Variants in ALDH1A3 observed in about 807,000 individuals in gnomAD.
ALDH1A3 encodes the protein retinaldehyde dehydrogenase 3.
ALDH1A3 carries 28 observed loss-of-function variants against 57.5 expected under a neutral mutation model. That is an observed-to-expected ratio of 0.49 (90% CI 0.36 to 0.67). The LOEUF is 0.67. Among genes scored for constraint, ALDH1A3 ranks in the 30% least tolerant of loss-of-function variants. The pLI, the probability that ALDH1A3 is intolerant of heterozygous loss-of-function variation, is 0.00. For synonymous variants in ALDH1A3, 281 were observed against 264.8 expected (o/e 1.06, Z -0.59); for missense variants, 507 against 669.4 (o/e 0.76, Z 2.68).
chr15:100,908,347 A>G, intron 11 of ALDH1A3, 61 bp from the exon 12 acceptor site: 2 of 1,415,062 alleles, frequency 1.4e-6, no homozygotes, highest in Non-Finnish European at 2.0e-6. Context: ...AAGTGGCTGC[A>G]GTGCCAGGAG....
intron 12 of ALDH1A3, 133 bp from the exon 13 acceptor site, chr15:100,914,568 A>G: frequency 1.4e-6 from 1 of 725,200 alleles, no homozygotes; most frequent in Non-Finnish European, 2.3e-6. Context: ...CTATTATTCC[A>G]TGAGGTCGTC....
rs778347804 is a variant in ALDH1A3 at position 100,902,912 on chromosome 15, C to T, written c.1068+2153C>T. Among the ~76,000 whole-genome samples, 5 of 152,328 alleles carry T rather than the reference C, an allele frequency of 3.3e-5. No individual in the cohort carries two copies. The East Asian group carries it at 5.8e-4, about 18-fold the overall frequency. On this transcript the variant is annotated intron_variant, in intron 9 of 12. Coordinates refer to ENST00000329841, the MANE Select transcript of ALDH1A3 (RefSeq NM_000693.4). Reference sequence around the variant, plus strand: ...ATGCCCAGCAGCCAGGGAGGACCTGCGGTTGGGCGAAGCCCCTGTGTCCCT... The same window carrying T: ...ATGCCCAGCAGCCAGGGAGGACCTGTGGTTGGGCGAAGCCCCTGTGTCCCT...
rs370594639 is a variant in ALDH1A3 at position 100,914,979 on chromosome 15, C to T, written c.*206C>T. On this transcript the variant is annotated 3_prime_UTR_variant, in exon 13 of 13. Coordinates refer to ENST00000329841, the MANE Select transcript of ALDH1A3 (RefSeq NM_000693.4). ...GATGCCTATAGGTTGTCTGTGAAAT[C>T]GCAGTCCTGCCTGGGGAGGGAGCTG... The T allele has an allele frequency of 1.1e-4, 62 of 572,296 alleles. No individual in the cohort carries two copies. The highest frequency in any genetic ancestry group is 4.1e-4 in the South Asian group (19 of 46,836). The allele number at this position is 572,296 out of a possible 1,614,324, so 35.5% of individuals were successfully genotyped here.
chr15:100,885,379 C>T lies in ALDH1A3; in HGVS notation c.204+8C>T. On this transcript the variant is annotated splice_region_variant and intron_variant, in intron 2 of 12. Coordinates refer to ENST00000329841, the MANE Select transcript of ALDH1A3 (RefSeq NM_000693.4). ...GTGGAAGAAGGAGATAAGGTAAATA[C>T]TTAAAATAAATTTGCTCTAAGTAAT... 2 of 1,585,940 alleles carry T rather than the reference C, an allele frequency of 1.3e-6. No homozygotes were observed. Among genetic ancestry groups the T allele is most frequent in the African/African-American group, 2.7e-5 (2 of 74,354 alleles).
At chr15:100,896,187 A>T in intron 7 of ALDH1A3, 141 bp downstream of exon 7, 7 of 641,694 alleles carry the variant, frequency 1.1e-5, no homozygotes, top group Non-Finnish European at 1.6e-5. Context: ...ACCAGTTAAA[A>T]AAAGTCACTG....
chr15:100,905,225 C>T (rs959753170), intron 9 of ALDH1A3, among the ~76,000 whole-genome samples: 2 of 152,224 alleles, frequency 1.3e-5, no homozygotes, highest in African/African-American at 4.8e-5. Flanking sequence ...CCACTTCAGA[C>T]CTGTGTCACT....
chr15:100,896,215 A>G, intron 7 of ALDH1A3, 169 bp downstream of exon 7: 1 of 583,212 alleles, frequency 1.7e-6, no homozygotes, highest in South Asian at 2.3e-5. Context: ...TTCCAAACTA[A>G]ATAAATATCT....
chr15:100,882,190 G>T (rs540606722), intron 1 of ALDH1A3, among the ~76,000 whole-genome samples: 71 of 152,238 alleles, frequency 4.7e-4, no homozygotes, highest in Non-Finnish European at 8.2e-4. Flanking sequence ...CTGAGCCCTA[G>T]CCCCGGCAGT....
At chr15:100,890,894 C>T (rs1366858046) in intron 3 of ALDH1A3, among the ~76,000 whole-genome samples, 8 of 152,176 alleles carry the variant, frequency 5.3e-5, no homozygotes, top group Non-Finnish European at 8.8e-5. Flanking sequence ...TGAAAGTTCA[C>T]GCTTGAGTGA....
In ALDH1A3 at chr15:100,887,147, C is replaced by T. The variant is rs529339601; in HGVS notation, c.205-425C>T. Among the ~76,000 whole-genome samples, 13 of 152,342 alleles carry T rather than the reference C, an allele frequency of 8.5e-5. No individual in the cohort carries two copies. The East Asian group carries it at 9.6e-4, about 11-fold the overall frequency. On this transcript the variant is annotated intron_variant, in intron 2 of 12. Coordinates refer to ENST00000329841, the MANE Select transcript of ALDH1A3 (RefSeq NM_000693.4). The surrounding 1 kb of genome is among the most constrained non-coding windows in gnomAD (Gnocchi z 4.6). ...TAAAGAAGAAAAAAAATCACTTGAACGCTCCCAGCCATTCAAGTGATTGAA... is the reference window on the plus strand; with the variant it reads ...TAAAGAAGAAAAAAAATCACTTGAATGCTCCCAGCCATTCAAGTGATTGAA...
rs534972477 is a variant in ALDH1A3, at chr15:100,914,810, C to T, written c.*37C>T. 8.4e-5 allele frequency: 133 copies of T among 1,592,500 alleles called. No individual in the cohort carries two copies. The highest frequency in any genetic ancestry group is 8.3e-4 in the Middle Eastern group (5 of 6,028). ...GGCTCCTTCCTCAAACATCGGACGG[C>T]GGAATGTGGCAGATGAAATGTGCTG... On this transcript the variant is annotated 3_prime_UTR_variant, in exon 13 of 13. Coordinates refer to ENST00000329841, the MANE Select transcript of ALDH1A3 (RefSeq NM_000693.4).
chr15:100,886,904 C>T lies in ALDH1A3; in HGVS notation c.205-668C>T, dbSNP rs1596206128. On this transcript the variant is annotated intron_variant, in intron 2 of 12. Coordinates refer to ENST00000329841, the MANE Select transcript of ALDH1A3 (RefSeq NM_000693.4). ...AGGAAGGAATTTCCCCATTCTCACT[C>T]TTGGACCACAAGTTCCCAGCTGGGA... Among the ~76,000 whole-genome samples the T allele has an allele frequency of 2.0e-5, 3 of 152,306 alleles. No homozygotes were observed. The South Asian group carries it at 6.2e-4, about 32-fold the overall frequency.
chr15:100,905,386 AT>A (rs1261911626), intron 9 of ALDH1A3, 136 bp from the exon 10 acceptor site: 1 of 1,095,382 alleles, frequency 9.1e-7, no homozygotes, highest in Non-Finnish European at 1.3e-6. Context: ...TGCAAGGCTC[AT>A]TAGTTACATG....
intron 12 of ALDH1A3, 76 bp downstream of exon 12, chr15:100,908,558 C>A (rs1035684062): frequency 7.5e-7 from 1 of 1,325,442 alleles, no homozygotes; most frequent in Non-Finnish European, 1.1e-6. Context: ...GTGACACAGG[C>A]TCCAATCTGC....
chr15:100,914,804 G>T lies in ALDH1A3; in HGVS notation c.*31G>T. Reference sequence around the variant, plus strand: ...AGGCGGGGCTCCTTCCTCAAACATCGGACGGCGGAATGTGGCAGATGAAAT... The same window carrying T: ...AGGCGGGGCTCCTTCCTCAAACATCTGACGGCGGAATGTGGCAGATGAAAT... On this transcript the variant is annotated 3_prime_UTR_variant, in exon 13 of 13. Transcript: ENST00000329841. 6.2e-7 allele frequency: 1 copy of T among 1,605,992 alleles called. No individual in the cohort carries two copies. Among genetic ancestry groups the T allele is most frequent in the Non-Finnish European group, 8.5e-7 (1 of 1,173,456 alleles).
At chr15:100,907,844 C>CTTTTTTTTTTTTTTTTTTTTTTTTTTTTT (rs71151987) in intron 11 of ALDH1A3, among the ~76,000 whole-genome samples, 10 of 81,908 alleles carry the variant, frequency 1.2e-4, no homozygotes, top group Non-Finnish European at 1.5e-4. Context: ...TTCTTTCTTT[C>CTTTTTTTTTTTTTTTTTTTTTTTTTTTTT]TTTTTTTTTT....
intron 12 of ALDH1A3, 107 bp from the exon 13 acceptor site, chr15:100,914,594 G>A: frequency 9.7e-7 from 1 of 1,026,320 alleles, no homozygotes; most frequent in Non-Finnish European, 1.4e-6. Context: ...TTAACCTTTT[G>A]CATAAGCCTC....
intron 3 of ALDH1A3, among the ~76,000 whole-genome samples, chr15:100,890,203 G>A (rs1020598397): frequency 6.6e-6 from 1 of 152,150 alleles, no homozygotes; most frequent in African/African-American, 2.4e-5. Flanking sequence ...CTGCCGTGCT[G>A]TTTTCCTGGC....
chr15:100,881,728 G>A (rs191803850), intron 1 of ALDH1A3, among the ~76,000 whole-genome samples: 1 of 152,130 alleles, frequency 6.6e-6, no homozygotes, highest in East Asian at 1.9e-4. Flanking sequence ...CTGGTGGATC[G>A]GCCTGGAGTG....
Sources: gnomAD v4.1 joint callset for allele counts (sites outside exome capture counted in the v4.1 genomes callset) on GRCh38, gnomAD v4.1.1 for gene constraint, Gnocchi (gnomAD v3.1) non-coding constraint, MANE v1.5 for transcripts, NCBI Gene and HGNC (gene_info 2026-07-23, HGNC 2026-07-21) for gene names.